KCNIP2: variants seen among roughly 807,000 people sequenced by gnomAD.
The protein encoded by KCNIP2 is A-type potassium channel modulatory protein KCNIP2.
A neutral mutation model predicts 39.0 loss-of-function variants in KCNIP2; 19 were observed. The ratio of observed to expected loss-of-function variants is 0.49; its 90% CI spans 0.34 to 0.71. KCNIP2 has a LOEUF of 0.71. Ranked by LOEUF, KCNIP2 falls within the 30% of genes least tolerant of loss-of-function variation. KCNIP2 has a pLI of 0.01. For missense variants in KCNIP2, 261 were observed against 346.0 expected (o/e 0.75, Z 1.95); for synonymous variants, 111 against 131.2 (o/e 0.85, Z 1.05).
intron 2 of KCNIP2, 128 bp downstream of exon 2, chr10:101,830,943 GC>G: frequency 1.4e-5 from 12 of 848,344 alleles, no homozygotes; most frequent in African/African-American, 1.7e-5. Context: ...CCTGGGGCAC[GC>G]CCCCCCACAC....
In KCNIP2 at chr10:101,838,537, G is replaced by A. The variant is rs2066229471; in HGVS notation, c.73+4959C>T. 1.3e-5 allele frequency among the ~76,000 whole-genome samples: 2 copies of A among 152,114 alleles called. No individual in the cohort carries two copies. The highest frequency in any genetic ancestry group is 2.9e-5 in the Non-Finnish European group (2 of 68,038). On this transcript the variant is annotated intron_variant, in intron 1 of 9. Transcript: ENST00000356640. The surrounding 1 kb of genome is among the most constrained non-coding windows in gnomAD (Gnocchi z 4.0). ...ACACTGCAGCCCCCAGCTGCATCGA[G>A]TGATTAATGACCTCCCTAGACGTTG... is the stretch of plus-strand genomic sequence containing the variant.
chr10:101,830,425 C>T (rs2135150101), intron 2 of KCNIP2: 1 of 1,294,722 alleles, frequency 7.7e-7, no homozygotes, highest in Non-Finnish European at 1.0e-6. Flanking sequence ...GACACTAACC[C>T]AGCTAAGCCA....
intron 3 of KCNIP2, 77 bp downstream of exon 3, chr10:101,829,767 C>G (rs2065899147): frequency 2.8e-5 from 8 of 287,976 alleles, no homozygotes; most frequent in South Asian, 2.6e-4. Context: ...AACGTCCAGC[C>G]CCCAGGCAAG....
At chr10:101,841,414 G>A (rs2066336446) in intron 1 of KCNIP2, among the ~76,000 whole-genome samples, 1 of 152,206 alleles carries the variant, frequency 6.6e-6, no homozygotes. Flanking sequence ...CCGCCCGGGA[G>A]TCTTCGTTGA....
chr10:101,833,961 G>A (rs1260375880), intron 1 of KCNIP2, among the ~76,000 whole-genome samples: 6 of 151,228 alleles, frequency 4.0e-5, no homozygotes, highest in African/African-American at 1.5e-4. Context: ...TCCTGGTATC[G>A]CCCAGAATCC....
Position 101,828,000 on chromosome 10 carries a change from G to A in KCNIP2, c.598-7C>T. 6.2e-7 allele frequency: 1 copy of A among 1,609,610 alleles called. No individual in the cohort carries two copies. The highest frequency in any genetic ancestry group is 1.1e-5 in the South Asian group (1 of 90,992). On this transcript the variant is annotated splice_region_variant and splice_polypyrimidine_tract_variant and intron_variant, in intron 7 of 9. Coordinates refer to ENST00000356640, the MANE Select transcript of KCNIP2 (RefSeq NM_173191.3). ...TCATGATGTCAAGCATTTCCTGTTAGGCCAAGAGAGAAGAGGATCCTTCCT... is the reference window on the plus strand; with the variant it reads ...TCATGATGTCAAGCATTTCCTGTTAAGCCAAGAGAGAAGAGGATCCTTCCT...
chr10:101,843,704 GA>G lies in KCNIP2; in HGVS notation c.-137del. On this transcript the variant is annotated 5_prime_UTR_variant, in exon 1 of 10. Transcript: ENST00000356640. This position sits in a 1 kb window ranked among gnomAD's most constrained non-coding sequence, Gnocchi z 6.7. The stretch of plus-strand genomic sequence containing the variant: ...AAGTCCGGGCTGAGGCTGAGTCTGG[GA>G]ATGGGCCCGGGGTCTGAGGTCTACC... The G allele has an allele frequency of 4.3e-6, 2 of 468,396 alleles. 1 individual carries two copies. The highest frequency in any genetic ancestry group is 7.8e-5 in the South Asian group (2 of 25,494). 29.0% of individuals were successfully genotyped at this position (468,396 alleles called of 1,614,324 possible).
chr10:101,841,762 C>CA (rs2066345374), intron 1 of KCNIP2, among the ~76,000 whole-genome samples: 1 of 152,164 alleles, frequency 6.6e-6, no homozygotes, highest in African/African-American at 2.4e-5. Context: ...CAATCTCATT[C>CA]AAATAGCCAA....
intron 1 of KCNIP2, among the ~76,000 whole-genome samples, chr10:101,836,171 C>T (rs1013304951): frequency 2.6e-5 from 4 of 152,260 alleles, no homozygotes; most frequent in African/African-American, 9.6e-5. Flanking sequence ...CACCGGGGGG[C>T]ACGCGTCCAA....
intron 1 of KCNIP2, among the ~76,000 whole-genome samples, chr10:101,837,216 G>C (rs1272775416): frequency 2.6e-5 from 4 of 152,110 alleles, no homozygotes; most frequent in Admixed American, 2.6e-4. Flanking sequence ...TGAGAGGTAG[G>C]ATCTATTATT....
In KCNIP2 at chr10:101,839,861, G is replaced by A. The variant is rs199521218; in HGVS notation, c.73+3635C>T. 3.3e-4 allele frequency: 518 copies of A among 1,581,138 alleles called. 2 individuals carry two copies. The African/African-American group carries it at 6.3e-3, about 19-fold the overall frequency. On this transcript the variant is annotated intron_variant, in intron 1 of 9. Coordinates refer to ENST00000356640, the MANE Select transcript of KCNIP2 (RefSeq NM_173191.3). ...TTCATGGTTTGGCGGCGAGCTCGGC[G>A]TCTAAGCTCCACCCCCAGGCCCCGG...
chr10:101,827,737 G>C lies in KCNIP2; in HGVS notation c.717C>G (p.Asn239Lys), dbSNP rs758477233. 1 of 1,613,376 alleles carries C rather than the reference G, an allele frequency of 6.2e-7. No individual in the cohort carries two copies. The highest frequency in any genetic ancestry group is 8.5e-7 in the Non-Finnish European group (1 of 1,179,452). ...CCTCAATGGTCACCACACCATCCTTGTTTCTGTCCATCTTCTGCAAGAAGG... is the reference window on the plus strand; with the variant it reads ...CCTCAATGGTCACCACACCATCCTTCTTTCTGTCCATCTTCTGCAAGAAGG... ...VESFFQKMDR[N>K]KDGVVTIEEF... Residue 239 changes from asparagine (N) to lysine (K), a missense_variant, in exon 9 of 10, where the codon AAC becomes AAG. By Grantham distance (94) the Asn-to-Lys change is moderately conservative. Coordinates refer to ENST00000356640, the MANE Select transcript of KCNIP2 (RefSeq NM_173191.3).
At chr10:101,839,656 T>C (rs1589879122) in intron 1 of KCNIP2, 2 of 1,113,510 alleles carry the variant, frequency 1.8e-6, no homozygotes, top group African/African-American at 3.1e-5. Flanking sequence ...CCTCCATCTA[T>C]TTGAGGGGCC....
In KCNIP2 at chr10:101,843,589, C is replaced by CACG. The variant is rs1258227938; in HGVS notation, c.-22_-21insCGT. The stretch of plus-strand genomic sequence containing the variant: ...CGCATGGCCCCCGGCGCCCCGCTCC[C>CACG]GCCCGGGCCGTGGGAGGGGGCGCCG... On this transcript the variant is annotated 5_prime_UTR_variant, in exon 1 of 10. Transcript: ENST00000356640. The surrounding 1 kb of genome is among the most constrained non-coding windows in gnomAD (Gnocchi z 6.7). 4.8e-6 allele frequency: 7 copies of CACG among 1,445,000 alleles called. No individual in the cohort carries two copies. Among genetic ancestry groups the CACG allele is most frequent in the South Asian group, 4.2e-5 (3 of 71,636 alleles). The allele number at this position is 1,445,000 out of a possible 1,614,324, so 89.5% of individuals were successfully genotyped here.
chr10:101,835,438 A>C (rs562497605), intron 1 of KCNIP2, among the ~76,000 whole-genome samples: 1 of 151,982 alleles, frequency 6.6e-6, no homozygotes, highest in Non-Finnish European at 1.5e-5. Context: ...GGGTCAAGAA[A>C]CCCAAGCTTC....
rs1184502821 is a variant in KCNIP2 at position 101,843,497 on chromosome 10, C to T, written c.72G>A (p.Thr24=). 6.3e-7 allele frequency: 1 copy of T among 1,576,060 alleles called. No homozygotes were observed. The highest frequency in any genetic ancestry group is 8.6e-7 in the Non-Finnish European group (1 of 1,161,918). The change falls in exon 1 of 10, where the codon ACG becomes ACA. Residue 24 remains threonine (T), a splice_region_variant and synonymous_variant. Coordinates refer to ENST00000356640, the MANE Select transcript of KCNIP2 (RefSeq NM_173191.3). The surrounding 1 kb of genome is among the most constrained non-coding windows in gnomAD (Gnocchi z 6.7). ...RDLDGSYDQL[T]GHPPGPTKKA... is the part of the protein sequence containing the mutation. ...GCGACCCCCACGTCACTGACTCACCCGTGAGCTGGTCGTAGGAGCCGTCCA... is the reference window on the plus strand; with the variant it reads ...GCGACCCCCACGTCACTGACTCACCTGTGAGCTGGTCGTAGGAGCCGTCCA...
At chr10:101,839,922 G>T (rs2066275092) in intron 1 of KCNIP2, 3 of 1,384,254 alleles carry the variant, frequency 2.2e-6, no homozygotes, top group South Asian at 2.8e-5. Flanking sequence ...GGGTAGGCCC[G>T]CGTGGGCGGC....
intron 2 of KCNIP2, among the ~76,000 whole-genome samples, chr10:101,830,832 C>G (rs1310559731): frequency 6.6e-6 from 1 of 150,466 alleles, no homozygotes; most frequent in South Asian, 2.1e-4. Context: ...GTAGGGCACG[C>G]CCCCCCACAC....
chr10:101,827,458 A>G, intron 9 of KCNIP2, 58 bp from the exon 10 acceptor site: 1 of 1,530,856 alleles, frequency 6.5e-7, no homozygotes, highest in Non-Finnish European at 9.0e-7. Flanking sequence ...GGAGCTTATC[A>G]GAGACAGTGA....
Sources: gnomAD v4.1 joint callset for allele counts (sites outside exome capture counted in the v4.1 genomes callset) on GRCh38, gnomAD v4.1.1 for gene constraint, Gnocchi (gnomAD v3.1) non-coding constraint, MANE v1.5 for transcripts, NCBI Gene and HGNC (gene_info 2026-07-23, HGNC 2026-07-21) for gene names.